GOLT1B: variants seen among roughly 807,000 people sequenced by gnomAD.
The protein encoded by GOLT1B is golgi transport 1B.
Under a neutral mutation model 15.4 loss-of-function variants are expected in GOLT1B, and 3 were observed. The ratio of observed to expected loss-of-function variants is 0.19; its 90% CI spans 0.09 to 0.50. The LOEUF (loss-of-function observed/expected upper bound fraction) is 0.50. Among genes scored for constraint, GOLT1B ranks in the 20% least tolerant of loss-of-function variants. The pLI is 0.97. For synonymous variants in GOLT1B, 65 were observed against 56.2 expected, an observed-to-expected ratio of 1.16 and a Z score of -0.70; for missense variants, 145 against 160.4, an observed-to-expected ratio of 0.90 and a Z score of 0.52.
intron 3 of GOLT1B, among the ~76,000 whole-genome samples, chr12:21,509,253 G>A (rs112155999): frequency 0.049 from 7,424 of 151,898 alleles, 276 homozygotes; most frequent in Middle Eastern, 0.071. Context: ...TCAAAAATTA[G>A]CTGGCCATGC....
chr12:21,507,528 GTATA>G (rs1052255617), intron 2 of GOLT1B, among the ~76,000 whole-genome samples: 8 of 145,954 alleles, frequency 5.5e-5, no homozygotes, highest in Admixed American at 4.0e-4. Flanking sequence ...GTGTGTGTGT[GTATA>G]TATATATATA....
intron 3 of GOLT1B, among the ~76,000 whole-genome samples, chr12:21,508,906 T>TAGATAGATAGAC (rs1555149890): frequency 7.5e-6 from 1 of 132,690 alleles, no homozygotes; most frequent in African/African-American, 2.6e-5. Context: ...GATAGATAGA[T>TAGATAGATAGAC]AGATAGATAG....
At chr12:21,502,954 GTCT>G (rs2136800009) in intron 1 of GOLT1B, among the ~76,000 whole-genome samples, 1 of 152,318 alleles carries the variant, frequency 6.6e-6, no homozygotes, top group Non-Finnish European at 1.5e-5. Context: ...TTAAAGTGGA[GTCT>G]TCTTGTGGAG....
Position 21,508,394 on chromosome 12 carries a change from AGCCGG to A in GOLT1B, c.130_134del (p.Ala44LeufsTer19). ...TCTTTCTCTTTTAGGTTTTATTTGTAGCCGGCTTGGCTTTTGTAATTGGTTTAGAA... is the reference window on the plus strand; with the variant it reads ...TCTTTCTCTTTTAGGTTTTATTTGTACTTGGCTTTTGTAATTGGTTTAGAA... On this transcript the variant is annotated frameshift_variant, in exon 3 of 5. Coordinates refer to ENST00000229314, the MANE Select transcript of GOLT1B (RefSeq NM_016072.5). LOFTEE classifies it high-confidence loss of function. The A allele has an allele frequency of 6.4e-7, 1 of 1,553,464 alleles. No individual in the cohort carries two copies.
chr12:21,509,698 A>T (rs1943706231), intron 3 of GOLT1B, among the ~76,000 whole-genome samples: 1 of 152,222 alleles, frequency 6.6e-6, no homozygotes, highest in South Asian at 2.1e-4. Flanking sequence ...AGAGGTGAGA[A>T]ATGTTAACTG....
At chr12:21,511,775 T>G (rs1230990264) in intron 3 of GOLT1B, among the ~76,000 whole-genome samples, 1 of 152,250 alleles carries the variant, frequency 6.6e-6, no homozygotes, top group African/African-American at 2.4e-5. Context: ...AATAAACTAT[T>G]TCATTCTCTT....
At chr12:21,502,675 C>T (rs1017677231) in intron 1 of GOLT1B, among the ~76,000 whole-genome samples, 2 of 152,158 alleles carry the variant, frequency 1.3e-5, no homozygotes, top group African/African-American at 4.8e-5. Flanking sequence ...TATTTCATCT[C>T]TAAAGCTAGC....
intron 1 of GOLT1B, among the ~76,000 whole-genome samples, chr12:21,503,031 C>G (rs374085385): frequency 6.6e-6 from 1 of 152,228 alleles, no homozygotes; most frequent in South Asian, 2.1e-4. Context: ...CTGCCACCCC[C>G]CAATCAGGCT....
intron 3 of GOLT1B, among the ~76,000 whole-genome samples, chr12:21,508,889 G>A (rs75309454): frequency 1.4e-3 from 92 of 65,378 alleles, no homozygotes; most frequent in Admixed American, 3.0e-3. Flanking sequence ...AGGTAGGTAG[G>A]TAGATAGATA....
chr12:21,504,608 C>G (rs754711667), intron 1 of GOLT1B: 2 of 505,618 alleles, frequency 4.0e-6, no homozygotes, highest in Non-Finnish European at 4.0e-6. Flanking sequence ...ACCACCAGCA[C>G]CCACACACAC....
intron 3 of GOLT1B, 37 bp downstream of exon 3, chr12:21,508,598 T>C: frequency 1.0e-6 from 1 of 990,890 alleles, no homozygotes; most frequent in African/African-American, 1.6e-5. Flanking sequence ...TAAATCAGTG[T>C]GTCAGATAGT....
intron 3 of GOLT1B, among the ~76,000 whole-genome samples, chr12:21,510,387 G>T (rs1943711160): frequency 6.6e-6 from 1 of 152,190 alleles, no homozygotes; most frequent in East Asian, 1.9e-4. Flanking sequence ...TTATGTGGGG[G>T]TTTTAGTAAT....
Position 21,515,662 on chromosome 12 carries a change from CT to C in GOLT1B, c.379-5del. ...TCTTTAATTCTCTGTTTTTCTTCTC[CT>C]TACAGTTTGTAGATAAAGTTGGAGA... On this transcript the variant is annotated splice_region_variant and splice_polypyrimidine_tract_variant and intron_variant, in intron 4 of 4. Coordinates refer to ENST00000229314, the MANE Select transcript of GOLT1B (RefSeq NM_016072.5). The C allele has an allele frequency of 1.5e-6, 2 of 1,326,766 alleles. No individual in the cohort carries two copies. The highest frequency in any genetic ancestry group is 1.2e-5 in the South Asian group (1 of 80,320). 82.2% of individuals were successfully genotyped at this position (1,326,766 alleles called of 1,614,324 possible). A position where few individuals can be genotyped will look rare whatever the true frequency, so the allele number is the denominator to read the frequency against.
At chr12:21,511,891 G>T (rs879577562) in intron 3 of GOLT1B, among the ~76,000 whole-genome samples, 1 of 152,202 alleles carries the variant, frequency 6.6e-6, no homozygotes. Context: ...GAGACATACT[G>T]TGAGGATCAG....
At chr12:21,507,946 ACTC>A (rs1349621053) in intron 2 of GOLT1B, 1 of 453,244 alleles carries the variant, frequency 2.2e-6, no homozygotes, top group African/African-American at 2.0e-5. Context: ...ATCCATAGAA[ACTC>A]CTGTAGCCTA....
At chr12:21,514,644 C>G (rs556760944) in intron 4 of GOLT1B, among the ~76,000 whole-genome samples, 2 of 152,168 alleles carry the variant, frequency 1.3e-5, no homozygotes, top group South Asian at 4.1e-4. Context: ...GGGGTATACT[C>G]TGATTTCATT....
At chr12:21,508,994 T>C (rs1188171017) in intron 3 of GOLT1B, among the ~76,000 whole-genome samples, 4 of 152,198 alleles carry the variant, frequency 2.6e-5, no homozygotes, top group African/African-American at 7.2e-5. Flanking sequence ...TTAGCACATA[T>C]ACGTATTAGA....
chr12:21,508,888 G>A (rs909297561), intron 3 of GOLT1B, among the ~76,000 whole-genome samples: 2 of 115,420 alleles, frequency 1.7e-5, no homozygotes, highest in Non-Finnish European at 3.9e-5. Context: ...TAGGTAGGTA[G>A]GTAGATAGAT....
At chr12:21,512,877 C>A (rs1943729704) in intron 4 of GOLT1B, among the ~76,000 whole-genome samples, 1 of 151,904 alleles carries the variant, frequency 6.6e-6, no homozygotes, top group East Asian at 1.9e-4. Flanking sequence ...CCAGCCTGGG[C>A]AACATGGTGA....
Sources: allele counts gnomAD v4.1 joint callset (sites outside exome capture counted in the v4.1 genomes callset), GRCh38; gene constraint gnomAD v4.1.1; transcripts MANE v1.5; gene names NCBI Gene and HGNC (gene_info 2026-07-23, HGNC 2026-07-21).